Variants in ARHGAP15 observed in about 807,000 individuals in gnomAD.
ARHGAP15 encodes the protein Rho GTPase activating protein 15.
A neutral mutation model predicts 63.7 loss-of-function variants in ARHGAP15; 51 were observed. That is an observed-to-expected ratio of 0.80 (90% CI 0.64 to 1.01). The LOEUF (loss-of-function observed/expected upper bound fraction) is 1.01. Ranked by LOEUF, ARHGAP15 falls within the 50% of genes least tolerant of loss-of-function variation. The probability of loss-of-function intolerance (pLI) is 0.00; values close to 1 mark genes in which losing one functional copy is unlikely to be tolerated. For missense variants in ARHGAP15, 560 were observed against 564.6 expected, an observed-to-expected ratio of 0.99 and a Z score of 0.08; for synonymous variants, 191 against 193.8, an observed-to-expected ratio of 0.99 and a Z score of 0.12.
chr2:143,289,197 A>G (rs1190220237), intron 6 of ARHGAP15, among the ~76,000 whole-genome samples: 1 of 142,580 alleles, frequency 7.0e-6, no homozygotes, highest in African/African-American at 2.5e-5. Flanking sequence ...AAAATGAAAG[A>G]CAGTAGTAGT....
chr2:143,390,379 G>A (rs1687484147), intron 6 of ARHGAP15, among the ~76,000 whole-genome samples: 1 of 152,116 alleles, frequency 6.6e-6, no homozygotes, highest in African/African-American at 2.4e-5. Flanking sequence ...CCATCTGTCA[G>A]CTAAAGCTCA....
intron 9 of ARHGAP15, among the ~76,000 whole-genome samples, chr2:143,513,540 A>T (rs1419969558): frequency 6.6e-6 from 1 of 152,160 alleles, no homozygotes; most frequent in African/African-American, 2.4e-5. Context: ...AGTCTTAATT[A>T]CAACTATCTG....
intron 13 of ARHGAP15, among the ~76,000 whole-genome samples, chr2:143,704,595 C>A (rs766265079): frequency 8.6e-4 from 131 of 152,284 alleles, no homozygotes; most frequent in Non-Finnish European, 9.4e-4. Flanking sequence ...CATGTTAAGT[C>A]TGAAATGACT....
At chr2:143,628,120 G>T (rs1055846605) in intron 12 of ARHGAP15, among the ~76,000 whole-genome samples, 1 of 151,970 alleles carries the variant, frequency 6.6e-6, no homozygotes, top group African/African-American at 2.4e-5. Context: ...TAGGATAATG[G>T]CCTCCAGCTG....
chr2:143,320,926 G>C (rs1683990186), intron 6 of ARHGAP15, among the ~76,000 whole-genome samples: 1 of 152,132 alleles, frequency 6.6e-6, no homozygotes, highest in Non-Finnish European at 1.5e-5. Context: ...CTAGATTTCT[G>C]TACTTAGGTA....
intron 10 of ARHGAP15, among the ~76,000 whole-genome samples, chr2:143,545,694 T>A (rs1695299768): frequency 6.6e-6 from 1 of 152,076 alleles, no homozygotes; most frequent in Non-Finnish European, 1.5e-5. Context: ...TAATAATGTG[T>A]TATAAATAAT....
intron 9 of ARHGAP15, among the ~76,000 whole-genome samples, chr2:143,501,042 A>T (rs561230840): frequency 1.9e-4 from 29 of 152,318 alleles, no homozygotes; most frequent in African/African-American, 6.7e-4. Context: ...GAAAGAAAAG[A>T]TGGAGCTGAA....
At chr2:143,130,864 C>T (rs1688889805) in intron 1 of ARHGAP15, among the ~76,000 whole-genome samples, 1 of 152,106 alleles carries the variant, frequency 6.6e-6, no homozygotes, top group Admixed American at 6.5e-5. Flanking sequence ...TCTTCAATAT[C>T]GTGGTTCTGA....
At chr2:143,248,834 G>A (rs915328043) in intron 5 of ARHGAP15, among the ~76,000 whole-genome samples, 3 of 152,092 alleles carry the variant, frequency 2.0e-5, no homozygotes, top group Non-Finnish European at 4.4e-5. Flanking sequence ...ATCAATAATT[G>A]TTGTACGTAG....
chr2:143,418,151 A>G (rs911575997), intron 6 of ARHGAP15, among the ~76,000 whole-genome samples: 1 of 152,228 alleles, frequency 6.6e-6, no homozygotes, highest in African/African-American at 2.4e-5. Flanking sequence ...TCCTGTGAGA[A>G]ACACATGCTA....
At chr2:143,203,924 T>C (rs766663706) in intron 3 of ARHGAP15, among the ~76,000 whole-genome samples, 13 of 152,122 alleles carry the variant, frequency 8.5e-5, no homozygotes, top group Non-Finnish European at 1.0e-4. Flanking sequence ...AGTTCTAATA[T>C]ACATCCTAAA....
chr2:143,289,496 C>T (rs1031787542), intron 6 of ARHGAP15, among the ~76,000 whole-genome samples: 2 of 152,116 alleles, frequency 1.3e-5, no homozygotes, highest in Non-Finnish European at 2.9e-5. Context: ...TTTGTCTGTT[C>T]GATGAATTTC....
At chr2:143,383,669 CT>C (rs1338949344) in intron 6 of ARHGAP15, among the ~76,000 whole-genome samples, 1 of 152,114 alleles carries the variant, frequency 6.6e-6, no homozygotes, top group Non-Finnish European at 1.5e-5. Flanking sequence ...ATTCAGGAAA[CT>C]GTAGAAAAAC....
intron 2 of ARHGAP15, among the ~76,000 whole-genome samples, chr2:143,199,250 C>T (rs889865351): frequency 7.9e-5 from 12 of 151,998 alleles, no homozygotes; most frequent in East Asian, 1.9e-4. Flanking sequence ...TTCATTTAGA[C>T]GTTAATTGAG....
At chr2:143,474,287 G>T (rs907953226) in intron 8 of ARHGAP15, among the ~76,000 whole-genome samples, 3 of 152,070 alleles carry the variant, frequency 2.0e-5, no homozygotes, top group African/African-American at 7.2e-5. Context: ...CATGTCAAAA[G>T]GAAGGCTACT....
At chr2:143,480,404 G>A (rs181312629) in intron 8 of ARHGAP15, among the ~76,000 whole-genome samples, 12 of 152,294 alleles carry the variant, frequency 7.9e-5, no homozygotes, top group African/African-American at 2.9e-4. Context: ...CCTTAAATGG[G>A]TAGATAGCAT....
rs575409392 is a variant in ARHGAP15, at chr2:143,414,801, C to T, written c.475-20800C>T. 9.9e-5 allele frequency among the ~76,000 whole-genome samples: 15 copies of T among 152,178 alleles called. No individual in the cohort carries two copies. The South Asian group carries it at 1.5e-3, about 15-fold the overall frequency. ...TACAAAAGTTAGCCGGGCGTGGTGGCGCATGCCTATAATCCCATTACTTGA... is the reference window on the plus strand; with the variant it reads ...TACAAAAGTTAGCCGGGCGTGGTGGTGCATGCCTATAATCCCATTACTTGA... On this transcript the variant is annotated intron_variant, in intron 6 of 13. Transcript: ENST00000295095.
chr2:143,742,312 C>A (rs141722824), intron 13 of ARHGAP15, among the ~76,000 whole-genome samples: 1 of 152,320 alleles, frequency 6.6e-6, no homozygotes, highest in African/African-American at 2.4e-5. Flanking sequence ...TGAGACATTT[C>A]CCACGTGACT....
At chr2:143,387,618 T>C (rs1223667676) in intron 6 of ARHGAP15, among the ~76,000 whole-genome samples, 4 of 152,026 alleles carry the variant, frequency 2.6e-5, no homozygotes, top group Admixed American at 1.3e-4. Context: ...CCTATGCACA[T>C]GTAGCTAGTC....
Sources: gnomAD v4.1 joint callset for allele counts (sites outside exome capture counted in the v4.1 genomes callset) on GRCh38, gnomAD v4.1.1 for gene constraint, MANE v1.5 for transcripts, NCBI Gene and HGNC (gene_info 2026-07-23, HGNC 2026-07-21) for gene names.